The following JAM2 variants were observed in gnomAD, a reference collection of about 807,000 sequenced individuals.
JAM2 encodes the protein junctional adhesion molecule B.
In JAM2, 17 loss-of-function variants were observed where a neutral mutation model predicts 42.0. The ratio of observed to expected loss-of-function variants is 0.40; its 90% CI spans 0.28 to 0.61. The LOEUF (loss-of-function observed/expected upper bound fraction) is 0.61. JAM2 is among the 20% of genes least tolerant of loss of function. The probability of loss-of-function intolerance (pLI) is 0.37; values close to 1 mark genes in which losing one functional copy is unlikely to be tolerated. For missense variants in JAM2, 319 were observed against 358.3 expected, an observed-to-expected ratio of 0.89 and a Z score of 0.89; for synonymous variants, 118 against 128.6, an observed-to-expected ratio of 0.92 and a Z score of 0.56.
At chr21:25,651,930 T>A (rs1489496521) in intron 1 of JAM2, among the ~76,000 whole-genome samples, 1 of 152,248 alleles carries the variant, frequency 6.6e-6, no homozygotes, top group Non-Finnish European at 1.5e-5. Flanking sequence ...AACTGTTAAC[T>A]AATGAAACTA....
At chr21:25,663,054 G>T (rs1056583390) in intron 1 of JAM2, among the ~76,000 whole-genome samples, 8 of 152,216 alleles carry the variant, frequency 5.3e-5, no homozygotes, top group African/African-American at 7.2e-5. Flanking sequence ...GTTAAGTCAG[G>T]TGTTAAATAA....
intron 1 of JAM2, among the ~76,000 whole-genome samples, chr21:25,676,417 A>G (rs2829857): frequency 0.37 from 56,815 of 151,898 alleles, 10,820 homozygotes; most frequent in South Asian, 0.51. Flanking sequence ...TAAAATTGTC[A>G]TAATATAAAG....
rs948769432 is a variant in JAM2 at position 25,683,099 on chromosome 21, G to A, written c.68-784G>A. ...AATGCCTGTCCCCTTTGAGGGTCAC[G>A]GGTCTCCAGGCCTGAGGGTGGGGCC... On this transcript the variant is annotated intron_variant, in intron 1 of 9. Coordinates refer to ENST00000480456, the MANE Select transcript of JAM2 (RefSeq NM_021219.4). Among the ~76,000 whole-genome samples the A allele has an allele frequency of 4.6e-5, 7 of 152,228 alleles. No homozygotes were observed. In the East Asian group the frequency reaches 1.4e-3, roughly 29 times the overall value.
intron 1 of JAM2, among the ~76,000 whole-genome samples, chr21:25,643,257 A>G (rs532384355): frequency 6.6e-6 from 1 of 152,320 alleles, no homozygotes; most frequent in African/African-American, 2.4e-5. Flanking sequence ...GCATCATTTA[A>G]GCTGATATGT....
chr21:25,650,176 A>C (rs1204431164), intron 1 of JAM2, among the ~76,000 whole-genome samples: 1 of 152,234 alleles, frequency 6.6e-6, no homozygotes, highest in African/African-American at 2.4e-5. Context: ...TTTCCTATAC[A>C]TGAATTCTGA....
chr21:25,657,906 C>T (rs2032982257), intron 1 of JAM2, among the ~76,000 whole-genome samples: 2 of 151,958 alleles, frequency 1.3e-5, no homozygotes, highest in African/African-American at 4.8e-5. Context: ...TGGAAGGAAG[C>T]AAGAAAATAG....
At chr21:25,678,291 C>T (rs551731405) in intron 1 of JAM2, among the ~76,000 whole-genome samples, 3 of 152,144 alleles carry the variant, frequency 2.0e-5, no homozygotes, top group Non-Finnish European at 4.4e-5. Context: ...CCCGTCTTCC[C>T]TACCTCACTG....
At chr21:25,692,958 A>C (rs2033915513) in intron 3 of JAM2, among the ~76,000 whole-genome samples, 1 of 152,220 alleles carries the variant, frequency 6.6e-6, no homozygotes, top group Non-Finnish European at 1.5e-5. Context: ...ACTAATTAGA[A>C]AATATGTACA....
At chr21:25,708,102 C>T (rs1367389407) in intron 7 of JAM2, among the ~76,000 whole-genome samples, 4 of 152,100 alleles carry the variant, frequency 2.6e-5, no homozygotes, top group African/African-American at 9.7e-5. Context: ...CCCATCCCAA[C>T]CTCCCAAAAT....
chr21:25,655,806 C>CT (rs1479215550), intron 1 of JAM2, among the ~76,000 whole-genome samples: 1 of 151,588 alleles, frequency 6.6e-6, no homozygotes. Context: ...GAAACACCAG[C>CT]TCTCTTAAAT....
intron 1 of JAM2, among the ~76,000 whole-genome samples, chr21:25,653,524 T>C (rs2032840373): frequency 6.6e-6 from 1 of 152,182 alleles, no homozygotes; most frequent in South Asian, 2.1e-4. Flanking sequence ...CTTAAAATCA[T>C]GGTAGAAGGC....
chr21:25,655,506 A>T, intron 1 of JAM2, among the ~76,000 whole-genome samples: 1 of 143,718 alleles, frequency 7.0e-6, no homozygotes, highest in Non-Finnish European at 1.5e-5. Context: ...TTTGAGACGG[A>T]GTCTCACTCT....
At chr21:25,647,252 GA>G (rs145214249) in intron 1 of JAM2, among the ~76,000 whole-genome samples, 4,348 of 152,242 alleles carry the variant, frequency 0.029, 218 homozygotes, top group African/African-American at 0.099. Context: ...TACAAAACAA[GA>G]AATAAGTCTC....
intron 4 of JAM2, among the ~76,000 whole-genome samples, chr21:25,695,755 G>C (rs1304853070): frequency 6.6e-6 from 1 of 151,708 alleles, no homozygotes; most frequent in Non-Finnish European, 1.5e-5. Context: ...CTCAGACGGG[G>C]TGGCCGGGCA....
At chr21:25,641,045 G>A (rs536307808) in intron 1 of JAM2, among the ~76,000 whole-genome samples, 1 of 152,244 alleles carries the variant, frequency 6.6e-6, no homozygotes, top group African/African-American at 2.4e-5. Context: ...ATTGTCTCAG[G>A]CAAGGGACAT....
intron 1 of JAM2, among the ~76,000 whole-genome samples, chr21:25,667,504 A>T (rs1474695643): frequency 6.6e-6 from 1 of 152,224 alleles, no homozygotes; most frequent in Non-Finnish European, 1.5e-5. Context: ...TATTGTTATA[A>T]TTGTTCTATT....
intron 1 of JAM2, 66 bp from the exon 2 acceptor site, chr21:25,683,817 C>A: frequency 8.9e-7 from 1 of 1,129,932 alleles, no homozygotes; most frequent in South Asian, 1.3e-5. Flanking sequence ...CTATTGCATC[C>A]CATTCAGACA....
intron 5 of JAM2, among the ~76,000 whole-genome samples, chr21:25,701,404 TCTCCCTCCCTCTCTTCCTTCCTTTCTCC>T (rs2034161229): frequency 6.6e-6 from 1 of 151,146 alleles, no homozygotes; most frequent in Non-Finnish European, 1.5e-5. Flanking sequence ...TTTCTCCCTC[TCTCCCTCCCTCTCTTCCTTCCTTTCTCC>T]CTCCCTCCCT....
rs2034480951 is a variant in JAM2 at position 25,716,361 on chromosome 21, A to G, written c.*1689A>G. 1 of 152,204 alleles carries G rather than the reference A, an allele frequency of 6.6e-6. No homozygotes were observed. Among genetic ancestry groups the G allele is most frequent in the Non-Finnish European group, 1.5e-5 (1 of 68,068 alleles). The allele number at this position is 152,204 out of a possible 1,614,324, so 9.4% of individuals were successfully genotyped here. A position where few individuals can be genotyped will look rare whatever the true frequency, so the allele number is the denominator to read the frequency against. On this transcript the variant is annotated 3_prime_UTR_variant, in exon 10 of 10. Transcript: ENST00000480456. ...TTGGCGAAGCAAATCCCCAGGATTC[A>G]CCGAACAAATGGATTAAGCACCCAC...
Sources: allele counts gnomAD v4.1 joint callset (sites outside exome capture counted in the v4.1 genomes callset), GRCh38; gene constraint gnomAD v4.1.1; transcripts MANE v1.5; gene names NCBI Gene and HGNC (gene_info 2026-07-23, HGNC 2026-07-21).